The following SERPINA12 variants were observed in gnomAD, a reference collection of about 807,000 sequenced individuals.
SERPINA12 encodes the protein serpin family A member 12.
In SERPINA12, 21 loss-of-function variants were observed where a neutral mutation model predicts 25.9. The ratio of observed to expected loss-of-function variants is 0.81; its 90% CI spans 0.58 to 1.17. The LOEUF (loss-of-function observed/expected upper bound fraction) is 1.17, where lower values mean the gene tolerates loss of function less well. Ranked by LOEUF, SERPINA12 falls within the 50% of genes most tolerant of loss-of-function variation. The pLI is 0.00. For synonymous variants in SERPINA12, 220 were observed against 196.0 expected (o/e 1.12, Z -1.02); for missense variants, 562 against 508.3 (o/e 1.11, Z -1.02).
chr14:94,514,002 G>T (rs1482102764), upstream of SERPINA12, among the ~76,000 whole-genome samples: 1 of 152,054 alleles, frequency 6.6e-6, no homozygotes, highest in Non-Finnish European at 1.5e-5. Context: ...TGCGGGCCTA[G>T]ACTCCCAAGG....
intron 1 of SERPINA12, among the ~76,000 whole-genome samples, chr14:94,516,804 G>A (rs974351698): frequency 1.3e-5 from 2 of 152,150 alleles, no homozygotes; most frequent in East Asian, 3.9e-4. Context: ...CCTGGTTCAG[G>A]TGCCCCTGTT....
At chr14:94,511,631 T>C, upstream of SERPINA12, 1 of 985,430 alleles carries the variant, frequency 1.0e-6, no homozygotes, top group Non-Finnish European at 1.2e-6. Context: ...CGACTTCTCC[T>C]TTGGAAGGTG....
At chr14:94,506,287 C>T (rs996076208) in intron 1 of SERPINA12, among the ~76,000 whole-genome samples, 5 of 152,134 alleles carry the variant, frequency 3.3e-5, no homozygotes, top group African/African-American at 1.2e-4. Context: ...TTGGATCTCC[C>T]AGATGGAAGA....
chr14:94,506,188 G>T (rs1900928277), intron 1 of SERPINA12, among the ~76,000 whole-genome samples: 1 of 152,220 alleles, frequency 6.6e-6, no homozygotes, highest in Admixed American at 6.5e-5. Context: ...CTGGTCGGAG[G>T]CTGAGGGGTG....
intron 1 of SERPINA12, among the ~76,000 whole-genome samples, chr14:94,502,719 A>C (rs1900780985): frequency 6.6e-6 from 1 of 152,188 alleles, no homozygotes; most frequent in Admixed American, 6.5e-5. Flanking sequence ...ATCCTTCCTC[A>C]AGCCAATGAG....
intron 3 of SERPINA12, among the ~76,000 whole-genome samples, chr14:94,495,324 T>A (rs1900370232): frequency 6.6e-6 from 1 of 152,074 alleles, no homozygotes; most frequent in Admixed American, 6.5e-5. Flanking sequence ...CGCCTCGGCC[T>A]CCCAAAGTGC....
upstream of SERPINA12, among the ~76,000 whole-genome samples, chr14:94,510,493 T>C (rs1236543963): frequency 6.6e-6 from 1 of 152,192 alleles, no homozygotes; most frequent in Non-Finnish European, 1.5e-5. Flanking sequence ...AAGGGAACAC[T>C]TTTACACTGC....
At position 94,505,957 on chromosome 14, in the gene SERPINA12, G is replaced by A. The variant is rs188199821; in HGVS notation, c.-34+3385C>T. ...TGGGGAAAAGAGCCCCGGAGGAGGT[G>A]CACGTCTGTGGAGAGCAGTGAAGGA... On this transcript the variant is annotated intron_variant, in intron 1 of 4. Transcript: ENST00000677451. 4.3e-4 allele frequency among the ~76,000 whole-genome samples: 65 copies of A among 152,330 alleles called. 1 individual carries two copies. The highest frequency in any genetic ancestry group is 1.5e-3 in the African/African-American group (63 of 41,576).
At chr14:94,515,123 G>A (rs751037629) in intron 2 of SERPINA12, among the ~76,000 whole-genome samples, 9 of 152,230 alleles carry the variant, frequency 5.9e-5, no homozygotes, top group African/African-American at 9.6e-5. Flanking sequence ...GCACGGCCAC[G>A]GTTACCAATG....
chr14:94,491,187 C>T (rs568439532), intron 3 of SERPINA12, among the ~76,000 whole-genome samples: 2 of 152,298 alleles, frequency 1.3e-5, no homozygotes, highest in Non-Finnish European at 2.9e-5. Flanking sequence ...ACTGTGTGTT[C>T]TAGCAGGGAA....
At chr14:94,505,077 C>T (rs1467084820) in intron 1 of SERPINA12, among the ~76,000 whole-genome samples, 2 of 152,198 alleles carry the variant, frequency 1.3e-5, no homozygotes, top group Non-Finnish European at 2.9e-5. Context: ...AAAAAACATT[C>T]ACATATTTCT....
upstream of SERPINA12, chr14:94,510,091 A>G (rs1307914697): frequency 7.1e-6 from 7 of 985,274 alleles, no homozygotes; most frequent in South Asian, 2.3e-4. Context: ...GGTACCAGAC[A>G]TAGGTGACTC....
At chr14:94,502,435 C>T (rs1285481881) in intron 1 of SERPINA12, among the ~76,000 whole-genome samples, 1 of 152,180 alleles carries the variant, frequency 6.6e-6, no homozygotes, top group East Asian at 1.9e-4. Flanking sequence ...ACTGAAGCAA[C>T]AGTGAGCTGT....
intron 4 of SERPINA12, among the ~76,000 whole-genome samples, chr14:94,489,248 G>A (rs1900047368): frequency 6.6e-6 from 1 of 151,584 alleles, no homozygotes; most frequent in Non-Finnish European, 1.5e-5. Flanking sequence ...AAGAGAGAGA[G>A]AAAGAGAGAA....
chr14:94,510,380 A>C, upstream of SERPINA12: 2 of 446,378 alleles, frequency 4.5e-6, no homozygotes, highest in Non-Finnish European at 5.9e-6. Context: ...GGGAAATGTA[A>C]ATGAAAACCA....
chr14:94,507,638 A>T (rs1238422810), intron 1 of SERPINA12, among the ~76,000 whole-genome samples: 1 of 152,226 alleles, frequency 6.6e-6, no homozygotes, highest in Non-Finnish European at 1.5e-5. Context: ...AAACAAAACT[A>T]CAAGAAGAAC....
In SERPINA12 at chr14:94,498,443, G is replaced by GAAAAAAA; in HGVS notation, c.-33-20_-33-14dup. ...TTGAGTAGTAGACCTGAGGTCAGCA[G>GAAAAAAA]AAAAAAAGAACATGATAACCCCATT... On this transcript the variant is annotated splice_polypyrimidine_tract_variant and intron_variant, in intron 1 of 4. Coordinates refer to ENST00000677451, the MANE Select transcript of SERPINA12 (RefSeq NM_001382267.1). 6.4e-7 allele frequency: 1 copy of GAAAAAAA among 1,569,982 alleles called. No homozygotes were observed. Among genetic ancestry groups the GAAAAAAA allele is most frequent in the Non-Finnish European group, 8.6e-7 (1 of 1,160,966 alleles).
intron 3 of SERPINA12, among the ~76,000 whole-genome samples, chr14:94,492,585 T>C (rs1900222116): frequency 6.6e-6 from 1 of 152,178 alleles, no homozygotes; most frequent in South Asian, 2.1e-4. Context: ...GAAAAACATA[T>C]GCTGATGTAG....
At chr14:94,496,849 G>A (rs929917114) in intron 2 of SERPINA12, among the ~76,000 whole-genome samples, 1 of 152,152 alleles carries the variant, frequency 6.6e-6, no homozygotes, top group Non-Finnish European at 1.5e-5. Context: ...AAGAAGCCAG[G>A]ACTAGACTGC....
Sources: gnomAD v4.1 joint callset for allele counts (sites outside exome capture counted in the v4.1 genomes callset) on GRCh38, gnomAD v4.1.1 for gene constraint, MANE v1.5 for transcripts, NCBI Gene and HGNC (gene_info 2026-07-23, HGNC 2026-07-21) for gene names.